The following KLHL1 variants were observed in gnomAD, a reference collection of about 807,000 sequenced individuals.
KLHL1 encodes kelch-like protein 1.
KLHL1 carries 47 observed loss-of-function variants against 77.7 expected under a neutral mutation model. The ratio of observed to expected loss-of-function variants is 0.60; its 90% CI spans 0.48 to 0.77. KLHL1 has a LOEUF of 0.77. KLHL1 is among the 30% of genes least tolerant of loss of function. The pLI, the probability that KLHL1 is intolerant of heterozygous loss-of-function variation, is 0.00. For synonymous variants in KLHL1, 360 were observed against 325.2 expected, an observed-to-expected ratio of 1.11 and a Z score of -1.15; for missense variants, 925 against 910.8, an observed-to-expected ratio of 1.02 and a Z score of -0.20.
intron 6 of KLHL1, among the ~76,000 whole-genome samples, chr13:69,806,513 G>T (rs1877623970): frequency 1.3e-5 from 2 of 152,144 alleles, no homozygotes; most frequent in Admixed American, 1.3e-4. Context: ...AGTGCCAGAA[G>T]TAAGTAAAGA....
chr13:70,102,519 A>T (rs1212840163), intron 1 of KLHL1, among the ~76,000 whole-genome samples: 1 of 152,158 alleles, frequency 6.6e-6, no homozygotes, highest in East Asian at 1.9e-4. Flanking sequence ...GGAAAAAGAA[A>T]ATTATTTCTC....
chr13:70,057,850 G>A (rs1057349010), intron 1 of KLHL1, among the ~76,000 whole-genome samples: 2 of 148,618 alleles, frequency 1.3e-5, no homozygotes, highest in South Asian at 2.1e-4. Flanking sequence ...TATCTCTGAT[G>A]AATATTGATG....
rs114634184 is a variant in KLHL1, at chr13:69,840,810, G to A, written c.1228-1648C>T. The stretch of plus-strand genomic sequence containing the variant: ...ATTTTTTTTTTTTTATTCACCAAAG[G>A]GACTATTTCTAACAAGGGCCCAGTG... On this transcript the variant is annotated intron_variant, in intron 5 of 10. Transcript: ENST00000377844. Among the ~76,000 whole-genome samples, 930 of 150,538 alleles carry A rather than the reference G, an allele frequency of 6.2e-3. 7 individuals are homozygous for A. Among genetic ancestry groups the A allele is most frequent in the African/African-American group, 0.021 (856 of 41,076 alleles).
At chr13:69,937,081 C>A (rs1430163360) in intron 4 of KLHL1, among the ~76,000 whole-genome samples, 1 of 152,044 alleles carries the variant, frequency 6.6e-6, no homozygotes, top group African/African-American at 2.4e-5. Flanking sequence ...AAATGTTCCA[C>A]GTGTGTCCCC....
intron 7 of KLHL1, among the ~76,000 whole-genome samples, chr13:69,780,560 T>C: frequency 6.7e-6 from 1 of 149,794 alleles, no homozygotes; most frequent in Non-Finnish European, 1.5e-5. Context: ...ATTACAAATA[T>C]ATACAAGGAT....
At chr13:70,036,538 T>A (rs1886243040) in intron 1 of KLHL1, among the ~76,000 whole-genome samples, 1 of 151,962 alleles carries the variant, frequency 6.6e-6, no homozygotes, top group South Asian at 2.1e-4. Flanking sequence ...GGTGTATATA[T>A]GAAATGTTTT....
chr13:70,032,540 G>A (rs1296400458), intron 1 of KLHL1, among the ~76,000 whole-genome samples: 1 of 152,096 alleles, frequency 6.6e-6, no homozygotes, highest in Non-Finnish European at 1.5e-5. Flanking sequence ...CTATATAAAA[G>A]TTCCCTGTAA....
chr13:70,034,240 C>T (rs959289628), intron 1 of KLHL1, among the ~76,000 whole-genome samples: 1 of 152,138 alleles, frequency 6.6e-6, no homozygotes, highest in East Asian at 1.9e-4. Context: ...TGAACTTCCC[C>T]AAATGCTTTA....
At chr13:69,828,209 G>C (rs561030601) in intron 6 of KLHL1, among the ~76,000 whole-genome samples, 19 of 145,406 alleles carry the variant, frequency 1.3e-4, no homozygotes, top group African/African-American at 4.3e-4. Flanking sequence ...AAAACTGTGA[G>C]TGCCCAAAAT....
At chr13:69,736,907 G>A (rs1022917267) in intron 8 of KLHL1, among the ~76,000 whole-genome samples, 1 of 152,064 alleles carries the variant, frequency 6.6e-6, no homozygotes, top group African/African-American at 2.4e-5. Context: ...TAGCCAATAT[G>A]GGAAATAGAA....
At chr13:69,860,847 A>G (rs1302636813) in intron 5 of KLHL1, among the ~76,000 whole-genome samples, 3 of 151,558 alleles carry the variant, frequency 2.0e-5, no homozygotes, top group Non-Finnish European at 4.4e-5. Flanking sequence ...CTTTAGAATT[A>G]CATATTTAAA....
chr13:70,100,172 A>G (rs1358378214), intron 1 of KLHL1, among the ~76,000 whole-genome samples: 1 of 149,846 alleles, frequency 6.7e-6, no homozygotes, highest in Non-Finnish European at 1.5e-5. Flanking sequence ...ATCTATGAAT[A>G]TTATATATTC....
At chr13:69,785,736 T>G (rs1456823858) in intron 7 of KLHL1, among the ~76,000 whole-genome samples, 2 of 151,744 alleles carry the variant, frequency 1.3e-5, no homozygotes, top group Admixed American at 6.6e-5. Context: ...TTTGAAAAGA[T>G]CAACAAAATC....
At chr13:69,795,926 C>T (rs529778950) in intron 7 of KLHL1, among the ~76,000 whole-genome samples, 15 of 152,314 alleles carry the variant, frequency 9.8e-5, no homozygotes, top group African/African-American at 2.2e-4. Context: ...GGTTCAAAGA[C>T]ATAGATGTGC....
intron 1 of KLHL1, among the ~76,000 whole-genome samples, chr13:70,033,362 T>C (rs1284931602): frequency 2.0e-4 from 30 of 152,228 alleles, no homozygotes; most frequent in Non-Finnish European, 1.5e-5. Context: ...CGCTCTCGGC[T>C]CACTGTAAGC....
rs1003046861 is a variant in KLHL1, at chr13:69,835,597, C to A, written c.1414+3379G>T. Among the ~76,000 whole-genome samples the A allele has an allele frequency of 4.6e-5, 7 of 152,044 alleles. No homozygotes were observed. The South Asian group carries it at 1.5e-3, about 32-fold the overall frequency. ...GGTTCTGGGTTGAAGCAGATTCAGG[C>A]TCATTAGAGGAAGGCATCTGCAAAA... On this transcript the variant is annotated intron_variant, in intron 6 of 10. Transcript: ENST00000377844.
chr13:69,830,416 T>C (rs948686821), intron 6 of KLHL1, among the ~76,000 whole-genome samples: 2 of 150,098 alleles, frequency 1.3e-5, no homozygotes, highest in Non-Finnish European at 3.0e-5. Flanking sequence ...TAAATATACA[T>C]GCACTTAACA....
At chr13:69,955,940 A>T (rs1438640510) in intron 3 of KLHL1, among the ~76,000 whole-genome samples, 5 of 96,548 alleles carry the variant, frequency 5.2e-5, no homozygotes, top group Non-Finnish European at 7.2e-5. Flanking sequence ...TATTTGATAT[A>T]TATTTATATA....
chr13:70,053,349 T>C (rs1417496692), intron 1 of KLHL1, among the ~76,000 whole-genome samples: 2 of 152,022 alleles, frequency 1.3e-5, no homozygotes, highest in Non-Finnish European at 2.9e-5. Flanking sequence ...GAGCATAATA[T>C]GTGGCATTAA....
Sources: gnomAD v4.1 joint callset for allele counts (sites outside exome capture counted in the v4.1 genomes callset) on GRCh38, gnomAD v4.1.1 for gene constraint, MANE v1.5 for transcripts, NCBI Gene and HGNC (gene_info 2026-07-23, HGNC 2026-07-21) for gene names.